The following PPARG variants were observed in gnomAD, a reference collection of about 807,000 sequenced individuals.
PPARG encodes peroxisome proliferator activated receptor gamma.
PPARG carries 17 observed loss-of-function variants against 39.2 expected under a neutral mutation model. The ratio of observed to expected loss-of-function variants is 0.43; its 90% CI spans 0.30 to 0.65. PPARG has a LOEUF of 0.65. Ranked by LOEUF, PPARG falls within the 30% of genes least tolerant of loss-of-function variation. PPARG has a pLI of 0.13. For missense variants in PPARG, 406 were observed against 585.9 expected, an observed-to-expected ratio of 0.69 and a Z score of 3.17; for synonymous variants, 223 against 215.7, an observed-to-expected ratio of 1.03 and a Z score of -0.30.
intron 2 of PPARG, among the ~76,000 whole-genome samples, chr3:12,313,436 T>G (rs1020010895): frequency 2.0e-5 from 3 of 152,166 alleles, no homozygotes; most frequent in Non-Finnish European, 2.9e-5. Context: ...CCAAACTTTT[T>G]GGGCATATAG....
intron 2 of PPARG, among the ~76,000 whole-genome samples, chr3:12,334,199 A>C (rs951156480): frequency 1.8e-4 from 28 of 151,532 alleles, no homozygotes; most frequent in African/African-American, 5.6e-4. Context: ...AAGTTTGTTG[A>C]CTTGGCTTAA....
intron 2 of PPARG, among the ~76,000 whole-genome samples, chr3:12,333,985 A>G (rs1474139692): frequency 6.6e-6 from 1 of 152,178 alleles, no homozygotes. Context: ...GCAGTTAACT[A>G]GGTGCTGCTT....
chr3:12,409,135 A>G (rs1429288893), intron 6 of PPARG, among the ~76,000 whole-genome samples: 1 of 152,208 alleles, frequency 6.6e-6, no homozygotes, highest in African/African-American at 2.4e-5. Flanking sequence ...TACTCAGACT[A>G]TATTTGCTTA....
At chr3:12,368,164 T>C (rs186985601) in intron 2 of PPARG, among the ~76,000 whole-genome samples, 26 of 149,078 alleles carry the variant, frequency 1.7e-4, no homozygotes, top group African/African-American at 5.8e-4. Flanking sequence ...TTTCTAATAG[T>C]TTTCATTTTT....
intron 2 of PPARG, among the ~76,000 whole-genome samples, chr3:12,341,100 T>G (rs1329974750): frequency 6.6e-6 from 1 of 151,992 alleles, no homozygotes; most frequent in Non-Finnish European, 1.5e-5. Context: ...GAAGAATCGC[T>G]TGAACCTGGG....
At chr3:12,290,239 A>T (rs2046613960) in intron 1 of PPARG, among the ~76,000 whole-genome samples, 1 of 152,094 alleles carries the variant, frequency 6.6e-6, no homozygotes, top group Non-Finnish European at 1.5e-5. Flanking sequence ...TCTAGTTCTT[A>T]AACAATAACT....
chr3:12,381,975 G>T (rs1023275619), intron 4 of PPARG, among the ~76,000 whole-genome samples: 2 of 152,020 alleles, frequency 1.3e-5, no homozygotes, highest in Non-Finnish European at 2.9e-5. Context: ...ATAGACAGAA[G>T]ATTTTACAGA....
chr3:12,363,740 A>G (rs1352846721), intron 2 of PPARG, among the ~76,000 whole-genome samples: 1 of 151,382 alleles, frequency 6.6e-6, no homozygotes, highest in Non-Finnish European at 1.5e-5. Flanking sequence ...CATTCCTTTC[A>G]TTTTTCCTTT....
chr3:12,380,011 C>A, intron 3 of PPARG, 80 bp downstream of exon 3: 1 of 1,195,786 alleles, frequency 8.4e-7, no homozygotes. Flanking sequence ...ATAAATAATG[C>A]TCCAGAGACT....
intron 2 of PPARG, among the ~76,000 whole-genome samples, chr3:12,355,959 A>G (rs2048647126): frequency 2.0e-5 from 3 of 152,204 alleles, no homozygotes; most frequent in South Asian, 4.1e-4. Flanking sequence ...AAATTTCTAA[A>G]ATCTTCATAG....
At chr3:12,312,054 A>G (rs758059991) in intron 1 of PPARG, among the ~76,000 whole-genome samples, 2 of 152,244 alleles carry the variant, frequency 1.3e-5, no homozygotes, top group Admixed American at 6.5e-5. Context: ...ATGTGACATA[A>G]AAGATGGAAA....
At chr3:12,332,190 C>G (rs752179009) in intron 2 of PPARG, among the ~76,000 whole-genome samples, 93 of 152,036 alleles carry the variant, frequency 6.1e-4, no homozygotes, top group Non-Finnish European at 8.4e-4. Context: ...CCTAATCAAC[C>G]AAAAAGCCCT....
intron 2 of PPARG, among the ~76,000 whole-genome samples, chr3:12,355,001 T>C (rs1575045618): frequency 1.3e-5 from 2 of 152,208 alleles, no homozygotes; most frequent in African/African-American, 2.4e-5. Flanking sequence ...TGTGAAGAAA[T>C]TGAAGTTATT....
At chr3:12,403,035 G>A (rs1463985942) in intron 5 of PPARG, among the ~76,000 whole-genome samples, 2 of 152,214 alleles carry the variant, frequency 1.3e-5, no homozygotes, top group African/African-American at 4.8e-5. Context: ...GCTCATGCCT[G>A]TAATCCCATC....
chr3:12,310,819 A>C (rs1043031012), intron 1 of PPARG, among the ~76,000 whole-genome samples: 3 of 147,998 alleles, frequency 2.0e-5, no homozygotes, highest in Non-Finnish European at 4.4e-5. Context: ...AAAAAAAAAA[A>C]AAAAACCCAA....
chr3:12,326,325 T>TA (rs2125035540), intron 2 of PPARG, among the ~76,000 whole-genome samples: 1 of 152,338 alleles, frequency 6.6e-6, no homozygotes, highest in East Asian at 1.9e-4. Context: ...AGTCCAGTGA[T>TA]ACACAATATG....
intron 1 of PPARG, among the ~76,000 whole-genome samples, chr3:12,307,732 G>C (rs2124977383): frequency 6.6e-6 from 1 of 152,214 alleles, no homozygotes; most frequent in East Asian, 1.9e-4. Context: ...TTGAAGGGAA[G>C]GAGTATATGA....
chr3:12,367,024 C>G (rs1413604013), intron 2 of PPARG, among the ~76,000 whole-genome samples: 2 of 152,070 alleles, frequency 1.3e-5, no homozygotes, highest in Non-Finnish European at 2.9e-5. Flanking sequence ...CAGTCCGGTG[C>G]CTTCTGTTTC....
At chr3:12,371,482 T>C (rs993876706) in intron 2 of PPARG, among the ~76,000 whole-genome samples, 1 of 152,214 alleles carries the variant, frequency 6.6e-6, no homozygotes, top group Non-Finnish European at 1.5e-5. Context: ...TAGAAACAAA[T>C]TCTGTTACAG....
Sources: allele counts gnomAD v4.1 joint callset (sites outside exome capture counted in the v4.1 genomes callset), GRCh38; gene constraint gnomAD v4.1.1; transcripts MANE v1.5; gene names NCBI Gene and HGNC (gene_info 2026-07-23, HGNC 2026-07-21).